Variants in TMEM164 observed in about 807,000 individuals in gnomAD.
TMEM164 encodes RP13-360B22.2.
TMEM164 carries 4 observed loss-of-function variants against 18.8 expected under a neutral mutation model. The ratio of observed to expected loss-of-function variants is 0.21; its 90% confidence interval spans 0.10 to 0.49. The LOEUF is 0.49. TMEM164 is among the 20% of genes least tolerant of loss of function. The probability of loss-of-function intolerance (pLI) is 0.98; values close to 1 mark genes in which losing one functional copy is unlikely to be tolerated. For synonymous variants in TMEM164, 86 were observed against 101.7 expected, an observed-to-expected ratio of 0.85 and a Z score of 0.93; for missense variants, 108 against 239.9, an observed-to-expected ratio of 0.45 and a Z score of 3.63.
intron 3 of TMEM164, among the ~76,000 whole-genome samples, chrX:110,107,650 TCCCTC>T (rs1236705437): frequency 1.9e-5 from 2 of 105,551 alleles, no homozygotes; most frequent in African/African-American, 3.5e-5. Context: ...TTTCCCTTCT[TCCCTC>T]CCCTCCCCTC....
intron 3 of TMEM164, among the ~76,000 whole-genome samples, chrX:110,074,277 G>T (rs893998053): frequency 4.5e-5 from 5 of 111,669 alleles, no homozygotes; most frequent in Non-Finnish European, 9.4e-5. Context: ...GTCTGTTCAC[G>T]TCCTTTGCCC....
At chrX:110,033,622 C>T (rs903019345) in intron 2 of TMEM164, among the ~76,000 whole-genome samples, 1 of 111,302 alleles carries the variant, frequency 9.0e-6, no homozygotes, top group Non-Finnish European at 1.9e-5. Context: ...CTTTCCTTTT[C>T]CTAAAGGTAA....
At chrX:110,130,359 C>T (rs1021548695) in intron 4 of TMEM164, among the ~76,000 whole-genome samples, 18 of 111,864 alleles carry the variant, frequency 1.6e-4, no homozygotes, top group Non-Finnish European at 2.4e-4. Flanking sequence ...CTGTAAGTTA[C>T]GTTGGGTCAG....
chrX:110,097,749 T>C lies in TMEM164; in HGVS notation c.441-11331T>C, dbSNP rs149948353. On this transcript the variant is annotated intron_variant, in intron 3 of 6. Transcript: ENST00000372068. ...TATGGTAGGTGCAGAGGTGCTAATT[T>C]TTAAAATATTTTACTGTATGTTTAA... 9.2e-3 allele frequency among the ~76,000 whole-genome samples: 1,024 copies of C among 111,790 alleles called. 6 individuals carry two copies. The highest frequency in any genetic ancestry group is 0.028 in the Middle Eastern group (6 of 214).
intron 5 of TMEM164, among the ~76,000 whole-genome samples, chrX:110,167,982 G>A (rs1037283327): frequency 5.3e-5 from 6 of 112,160 alleles, no homozygotes; most frequent in Non-Finnish European, 1.1e-4. Flanking sequence ...TGGCTGCAGA[G>A]CTGCCTCCTG....
chrX:110,088,545 G>A (rs1234418585), intron 3 of TMEM164, among the ~76,000 whole-genome samples: 1 of 112,069 alleles, frequency 8.9e-6, no homozygotes, highest in Non-Finnish European at 1.9e-5. Flanking sequence ...AGTAAAGAGC[G>A]ATTCAGGGAG....
intron 3 of TMEM164, among the ~76,000 whole-genome samples, chrX:110,108,068 C>CTGTGTGTGTGTG (rs56714507): frequency 0.016 from 740 of 46,364 alleles, 63 homozygotes; most frequent in African/African-American, 0.039. Context: ...AGGAGGTATG[C>CTGTGTGTGTGTG]TGTGTGTGTG....
chrX:110,027,105 A>G (rs1364891379), intron 2 of TMEM164, among the ~76,000 whole-genome samples: 1 of 111,135 alleles, frequency 9.0e-6, no homozygotes, highest in Non-Finnish European at 1.9e-5. Flanking sequence ...AGCAACTCTT[A>G]TCTTGTTTTC....
intron 4 of TMEM164, among the ~76,000 whole-genome samples, chrX:110,115,943 C>G (rs908591489): frequency 6.3e-5 from 7 of 110,651 alleles, no homozygotes; most frequent in African/African-American, 2.3e-4. Context: ...AAAAAAATAG[C>G]TGGGCGTGGT....
At chrX:110,144,039 T>C (rs2066814427) in intron 4 of TMEM164, among the ~76,000 whole-genome samples, 1 of 111,458 alleles carries the variant, frequency 9.0e-6, no homozygotes, top group Admixed American at 9.5e-5. Context: ...TTGAGAGAGA[T>C]GGGAAACAGG....
At chrX:110,153,403 G>A (rs932506192) in intron 5 of TMEM164, among the ~76,000 whole-genome samples, 2 of 112,409 alleles carry the variant, frequency 1.8e-5, no homozygotes, top group African/African-American at 6.5e-5. Flanking sequence ...ATGTTTACTA[G>A]GCACTGGGTT....
intron 3 of TMEM164, among the ~76,000 whole-genome samples, chrX:110,106,564 G>A (rs781056657): frequency 4.5e-5 from 5 of 110,864 alleles, no homozygotes; most frequent in African/African-American, 1.6e-4. Context: ...AGTAGAGACG[G>A]GGTTTCGCCA....
At chrX:110,033,963 G>A (rs750734561) in intron 2 of TMEM164, among the ~76,000 whole-genome samples, 3 of 104,797 alleles carry the variant, frequency 2.9e-5, no homozygotes, top group Admixed American at 1.0e-4. Flanking sequence ...ATTCCCCCCC[G>A]CCCCACCGCC....
At chrX:110,081,133 T>C (rs2065751015) in intron 3 of TMEM164, among the ~76,000 whole-genome samples, 1 of 111,020 alleles carries the variant, frequency 9.0e-6, no homozygotes, top group Non-Finnish European at 1.9e-5. Context: ...GCCCTTAAAA[T>C]ACTTTAACTT....
At chrX:110,069,318 G>T (rs1327415228) in intron 3 of TMEM164, among the ~76,000 whole-genome samples, 2 of 111,433 alleles carry the variant, frequency 1.8e-5, no homozygotes, top group Non-Finnish European at 3.8e-5. Context: ...TCAGCAACAG[G>T]TGTTAATGGT....
intron 2 of TMEM164, among the ~76,000 whole-genome samples, chrX:110,057,692 A>G (rs999727481): frequency 4.5e-5 from 5 of 110,205 alleles, no homozygotes; most frequent in Admixed American, 2.9e-4. Context: ...CATTCTGACA[A>G]GGGTGACATG....
At chrX:110,003,466 C>G in intron 1 of TMEM164, 35 bp from the exon 2 acceptor site, 2 of 214,264 alleles carry the variant, frequency 9.3e-6, no homozygotes, top group Non-Finnish European at 7.9e-6. Flanking sequence ...CTCTTTGAGA[C>G]CTCTTTTTTT....
chrX:110,109,648 A>T (rs1049087374), intron 4 of TMEM164, among the ~76,000 whole-genome samples: 1 of 112,562 alleles, frequency 8.9e-6, no homozygotes, highest in Non-Finnish European at 1.9e-5. Flanking sequence ...ATTGGCCTTG[A>T]ATAATTTGCT....
intron 3 of TMEM164, among the ~76,000 whole-genome samples, chrX:110,088,792 A>G (rs1311896487): frequency 8.9e-6 from 1 of 112,292 alleles, no homozygotes; most frequent in Non-Finnish European, 1.9e-5. Flanking sequence ...GAAAGTTCCT[A>G]GAGCAGGGAC....
Sources: allele counts gnomAD v4.1 joint callset (sites outside exome capture counted in the v4.1 genomes callset), GRCh38; gene constraint gnomAD v4.1.1; transcripts MANE v1.5; gene names NCBI Gene and HGNC (gene_info 2026-07-23, HGNC 2026-07-21).